Variants in GPR139 observed in about 807,000 individuals in gnomAD.
The protein encoded by GPR139 is G protein-coupled receptor 139, also known as probable G protein-coupled receptor 139.
In GPR139, 12 loss-of-function variants were observed where a neutral mutation model predicts 25.8. That is an observed-to-expected ratio of 0.47 (90% CI 0.30 to 0.75). The LOEUF is 0.75. Among genes scored for constraint, GPR139 ranks in the 30% least tolerant of loss-of-function variants. The pLI is 0.07. For synonymous variants in GPR139, 184 were observed against 179.9 expected (o/e 1.02, Z -0.18); for missense variants, 380 against 450.2 (o/e 0.84, Z 1.41).
At chr16:20,065,746 G>A (rs1489674692) in intron 1 of GPR139, among the ~76,000 whole-genome samples, 2 of 152,014 alleles carry the variant, frequency 1.3e-5, no homozygotes, top group Non-Finnish European at 2.9e-5. Context: ...GGTGGTGCAT[G>A]GCTGTAATTC....
At chr16:20,040,004 C>A (rs1344101149) in intron 1 of GPR139, among the ~76,000 whole-genome samples, 1 of 152,172 alleles carries the variant, frequency 6.6e-6, no homozygotes, top group African/African-American at 2.4e-5. Context: ...TGGTATGCTC[C>A]TTCTTGGAAC....
chr16:20,038,027 AT>A (rs35022647), intron 1 of GPR139, among the ~76,000 whole-genome samples: 86,920 of 148,728 alleles, frequency 0.58, 26,087 homozygotes, highest in Non-Finnish European at 0.67. Flanking sequence ...CACCCAGCTA[AT>A]TTTTTTTTTT....
chr16:20,067,860 T>A, intron 1 of GPR139, among the ~76,000 whole-genome samples: 1 of 142,722 alleles, frequency 7.0e-6, no homozygotes. Context: ...AAAGGGGCAG[T>A]CAACCAAGAA....
At position 20,032,481 on chromosome 16, in the gene GPR139, C is replaced by T. The variant is rs751365983; in HGVS notation, c.316G>A (p.Val106Met). ...GTGTGGATGGATGAGAATTCCAGCA[C>T]TTCTATGATCTTGTCGGGGACCTGA... ...MPQVPDKIIE[V>M]LEFSSIHTSI... The change falls in exon 2 of 2, where the codon GTG becomes ATG. Residue 106 changes from valine to methionine, a missense_variant. Transcript: ENST00000570682. 1 of 1,614,024 alleles carries T rather than the reference C, an allele frequency of 6.2e-7. No individual in the cohort carries two copies. Among genetic ancestry groups the T allele is most frequent in the Non-Finnish European group, 8.5e-7 (1 of 1,180,024 alleles).
chr16:20,051,080 G>T (rs201548681), intron 1 of GPR139, among the ~76,000 whole-genome samples: 1 of 115,206 alleles, frequency 8.7e-6, no homozygotes, highest in Non-Finnish European at 1.8e-5. Context: ...AAAAAAGAAA[G>T]AAAGAAAGAA....
chr16:20,028,738 A>G lies in GPR139; in HGVS notation c.*2997T>C, dbSNP rs2057276473. ...TTTCAGCCGTCAAGTTGTTCAATAA[A>G]AAGACACAGCATGGTGGTGCGTATC... On this transcript the variant is annotated 3_prime_UTR_variant, in exon 2 of 2. Coordinates refer to ENST00000570682, the MANE Select transcript of GPR139 (RefSeq NM_001002911.4). Among the ~76,000 whole-genome samples, 1 of 152,222 alleles carries G rather than the reference A, an allele frequency of 6.6e-6. No individual in the cohort carries two copies. Among genetic ancestry groups the G allele is most frequent in the Non-Finnish European group, 1.5e-5 (1 of 68,036 alleles).
chr16:20,059,570 G>A (rs777440174), intron 1 of GPR139, among the ~76,000 whole-genome samples: 10 of 152,190 alleles, frequency 6.6e-5, no homozygotes, highest in East Asian at 3.9e-4. Context: ...ACCTTACCTC[G>A]TATGGTCTCC....
In GPR139 at chr16:20,032,515, C is replaced by A. The variant is rs746022625; in HGVS notation, c.282G>T (p.Met94Ile). Reference protein sequence around the residue: ...DFLLEDFILNMQMPQVPDKII... With the variant: ...DFLLEDFILNIQMPQVPDKII... ...TCTTGTCGGGGACCTGAGGCATCTG[C>A]ATGTTCAAGATGAAATCTTCCAACA... Residue 94 changes from methionine (M) to isoleucine (I), a missense_variant, in exon 2 of 2, where the codon ATG (methionine) becomes ATT (isoleucine). Met to Ile is a conservative substitution (Grantham distance 10). Coordinates refer to ENST00000570682, the MANE Select transcript of GPR139 (RefSeq NM_001002911.4). The A allele has an allele frequency of 6.2e-7, 1 of 1,614,134 alleles. No homozygotes were observed. The highest frequency in any genetic ancestry group is 1.7e-5 in the Admixed American group (1 of 60,018).
At chr16:20,063,212 C>A (rs1309484667) in intron 1 of GPR139, among the ~76,000 whole-genome samples, 5 of 152,236 alleles carry the variant, frequency 3.3e-5, no homozygotes, top group Admixed American at 3.3e-4. Flanking sequence ...AAATCAGCCT[C>A]CCTTCCCTGT....
chr16:20,062,737 T>G (rs1048733101), intron 1 of GPR139, among the ~76,000 whole-genome samples: 20 of 152,244 alleles, frequency 1.3e-4, no homozygotes, highest in Non-Finnish European at 5.9e-5. Context: ...CAATTAAAAT[T>G]TTCCTAGTAG....
intron 1 of GPR139, among the ~76,000 whole-genome samples, chr16:20,049,935 A>G (rs957736184): frequency 2.3e-5 from 3 of 128,510 alleles, no homozygotes; most frequent in African/African-American, 5.4e-5. Flanking sequence ...ATTTTGCCTT[A>G]TTCATCAAGC....
chr16:20,041,133 G>T (rs74886132), intron 1 of GPR139, among the ~76,000 whole-genome samples: 46 of 884 alleles, frequency 0.052, 1 homozygote, highest in African/African-American at 0.12. Flanking sequence ...AAGGAAAGGA[G>T]AGGAGAGGAG....
At chr16:20,037,930 G>A (rs549010943) in intron 1 of GPR139, among the ~76,000 whole-genome samples, 4 of 152,138 alleles carry the variant, frequency 2.6e-5, no homozygotes, top group East Asian at 3.9e-4. Context: ...ATGCGATCTC[G>A]GCTCACTGCA....
rs1365249809 is a variant in GPR139 at position 20,028,399 on chromosome 16, C to T, written c.*3336G>A. ...CTTGAACATAGATGCAAATACCAAA[C>T]ACCAAGTGTGCACCATATTAGAATT... On this transcript the variant is annotated 3_prime_UTR_variant, in exon 2 of 2. Coordinates refer to ENST00000570682, the MANE Select transcript of GPR139 (RefSeq NM_001002911.4). 6.6e-6 allele frequency among the ~76,000 whole-genome samples: 1 copy of T among 152,130 alleles called. No homozygotes were observed.
At chr16:20,058,747 A>G (rs1037238922) in intron 1 of GPR139, among the ~76,000 whole-genome samples, 1 of 152,124 alleles carries the variant, frequency 6.6e-6, no homozygotes, top group African/African-American at 2.4e-5. Context: ...TTGTCAAACG[A>G]CAGTGCTGAA....
Position 20,073,604 on chromosome 16 carries a change from G to T in GPR139, c.13C>A (p.His5Asn). Residue 5 changes from histidine (H) to asparagine (N), a missense_variant, in exon 1 of 2, where the codon CAC becomes AAC. Coordinates refer to ENST00000570682, the MANE Select transcript of GPR139 (RefSeq NM_001002911.4). This position sits in a 1 kb window ranked among gnomAD's most constrained non-coding sequence, Gnocchi z 4.7. ...GAGCTGTTGGCTGCGAGGTGGGCGTGCGTGTGCTCCATGAGCGCGCCCCTC... is the reference window on the plus strand; with the variant it reads ...GAGCTGTTGGCTGCGAGGTGGGCGTTCGTGTGCTCCATGAGCGCGCCCCTC... The part of the protein sequence containing the change: MEHT[H>N]AHLAANSSLS... The T allele has an allele frequency of 6.2e-7, 1 of 1,608,138 alleles. No homozygotes were observed. Among genetic ancestry groups the T allele is most frequent in the East Asian group, 2.2e-5 (1 of 44,630 alleles).
At position 20,031,593 on chromosome 16, in the gene GPR139, C is replaced by T; in HGVS notation, c.*142G>A. ...TTTCTTCTCTTCCATCTCTTCTCAT[C>T]TACCAGTCTGAGAATTGCCCAGTCT... On this transcript the variant is annotated 3_prime_UTR_variant, in exon 2 of 2. Transcript: ENST00000570682. The T allele has an allele frequency of 1.5e-6, 1 of 666,552 alleles. No homozygotes were observed. Among genetic ancestry groups the T allele is most frequent in the East Asian group, 2.5e-5 (1 of 39,436 alleles). The allele number at this position is 666,552 out of a possible 1,614,324, so 41.3% of individuals were successfully genotyped here.
At chr16:20,044,949 G>A (rs1464006798) in intron 1 of GPR139, among the ~76,000 whole-genome samples, 1 of 150,630 alleles carries the variant, frequency 6.6e-6, no homozygotes, top group African/African-American at 2.4e-5. Flanking sequence ...CCTTTATTGA[G>A]CACTGACTGT....
chr16:20,066,216 T>G (rs1244429211), intron 1 of GPR139, among the ~76,000 whole-genome samples: 3 of 152,238 alleles, frequency 2.0e-5, no homozygotes, highest in South Asian at 2.1e-4. Context: ...TCTGCAGGGC[T>G]GGCATTGGCT....
Sources: gnomAD v4.1 joint callset for allele counts (sites outside exome capture counted in the v4.1 genomes callset) on GRCh38, gnomAD v4.1.1 for gene constraint, Gnocchi (gnomAD v3.1) non-coding constraint, MANE v1.5 for transcripts, NCBI Gene and HGNC (gene_info 2026-07-23, HGNC 2026-07-21) for gene names.